The following PCDHGB3 variants were observed in gnomAD, a reference collection of about 807,000 sequenced individuals.
PCDHGB3 encodes the protein protocadherin gamma-B3.
A neutral mutation model predicts 59.2 loss-of-function variants in PCDHGB3; 40 were observed. The ratio of observed to expected loss-of-function variants is 0.68; its 90% CI spans 0.52 to 0.88. PCDHGB3 has a LOEUF of 0.88. Ranked by LOEUF, PCDHGB3 falls within the 40% of genes least tolerant of loss-of-function variation. PCDHGB3 has a pLI of 0.00. For synonymous variants in PCDHGB3, 581 were observed against 503.6 expected (o/e 1.15, Z -2.06); for missense variants, 1,309 against 1,187.9 (o/e 1.10, Z -1.50).
At chr5:141,450,460 TTATA>T (rs1234300844) in intron 1 of PCDHGB3, among the ~76,000 whole-genome samples, 1 of 152,104 alleles carries the variant, frequency 6.6e-6, no homozygotes, top group Non-Finnish European at 1.5e-5. Flanking sequence ...CCTCGTGATT[TTATA>T]TATAGAGTTT....
At chr5:141,389,525 CGT>C in intron 1 of PCDHGB3, 1 of 1,613,170 alleles carries the variant, frequency 6.2e-7, no homozygotes, top group Non-Finnish European at 8.5e-7. Context: ...TGAGCCTGCG[CGT>C]GTTAGTGGAC....
intron 1 of PCDHGB3, chr5:141,426,986 C>T (rs764345099): frequency 1.8e-5 from 8 of 456,618 alleles, no homozygotes; most frequent in South Asian, 7.7e-5. Flanking sequence ...CTGATGCCAA[C>T]GATAATGCCC....
At chr5:141,403,136 C>G in intron 1 of PCDHGB3, 1 of 1,614,006 alleles carries the variant, frequency 6.2e-7, no homozygotes. Flanking sequence ...GCTGGCGGAG[C>G]GCCGAGTCCG....
intron 1 of PCDHGB3, chr5:141,471,300 C>T (rs2099254628): frequency 6.6e-6 from 1 of 152,190 alleles, no homozygotes; most frequent in African/African-American, 2.4e-5. Context: ...ATCCACCCAA[C>T]TCGGCCTCCC....
intron 1 of PCDHGB3, chr5:141,419,592 T>C (rs1561782617): frequency 6.2e-7 from 1 of 1,611,670 alleles, no homozygotes. Context: ...TTCGACACAG[T>C]GCCGCGGGCC....
chr5:141,415,305 C>G (rs200439097), intron 1 of PCDHGB3: 1 of 1,614,234 alleles, frequency 6.2e-7, no homozygotes, highest in African/African-American at 1.3e-5. Context: ...TCTTCCTGGC[C>G]TTCGTCATCG....
rs760572189 is a variant in PCDHGB3 at position 141,477,159 on chromosome 5, A to G, written c.2416-17648A>G. ...GTGGAGGTTGTGGATGTGAATGACA[A>G]CGCCCCGGAGATCACAGTCACCTCC... is the stretch of plus-strand genomic sequence containing the variant. On this transcript the variant is annotated intron_variant, in intron 1 of 3. Transcript: ENST00000576222. The surrounding 1 kb of genome is among the most constrained non-coding windows in gnomAD (Gnocchi z 4.9). The G allele has an allele frequency of 1.7e-5, 28 of 1,613,854 alleles. No individual in the cohort carries two copies. In the South Asian group the frequency reaches 3.1e-4, roughly 18 times the overall value.
chr5:141,438,591 CATATATATATAT>C lies in PCDHGB3; in HGVS notation c.2416-56182_2416-56171del, dbSNP rs946798767. ...TCTGATATACATACATACATACATACATATATATATATATATATATATATATATATATATATA... is the reference window on the plus strand; with the variant it reads ...TCTGATATACATACATACATACATACATATATATATATATATATATATATA... On this transcript the variant is annotated intron_variant, in intron 1 of 3. Coordinates refer to ENST00000576222, the MANE Select transcript of PCDHGB3 (RefSeq NM_018924.5). Among the ~76,000 whole-genome samples the C allele has an allele frequency of 1.5e-4, 11 of 75,568 alleles. No homozygotes were observed. The East Asian group carries it at 2.8e-3, about 19-fold the overall frequency. The allele number at this position is 75,568 out of a possible 152,430, so 49.6% of individuals were successfully genotyped here.
In PCDHGB3 at chr5:141,372,495, G is replaced by A. The variant is rs770848334; in HGVS notation, c.2101G>A (p.Val701Met). Residue 701 changes from valine (V) to methionine (M), a missense_variant, in exon 1 of 4, where the codon GTG becomes ATG. Transcript: ENST00000576222. ...HLVVALALISVLFLLAVILAI... is the reference protein window; with the variant it reads ...HLVVALALISMLFLLAVILAI... The stretch of plus-strand genomic sequence containing the variant: ...AGTAGTGGCGTTGGCCTTGATCTCA[G>A]TGCTCTTCCTCCTCGCGGTGATTCT... 2.0e-5 allele frequency: 32 copies of A among 1,613,936 alleles called. No individual in the cohort carries two copies. Among genetic ancestry groups the A allele is most frequent in the Non-Finnish European group, 2.6e-5 (31 of 1,179,902 alleles).
intron 1 of PCDHGB3, chr5:141,375,266 G>C: frequency 6.2e-7 from 1 of 1,613,846 alleles, no homozygotes. Flanking sequence ...ATTTGAATTG[G>C]AAAAATCAGT....
At chr5:141,435,863 C>T (rs772361494) in intron 1 of PCDHGB3, among the ~76,000 whole-genome samples, 16 of 151,882 alleles carry the variant, frequency 1.1e-4, no homozygotes, top group Non-Finnish European at 2.2e-4. Context: ...TAGTTAAAAC[C>T]CAGAAAAGAG....
At chr5:141,376,226 A>G in intron 1 of PCDHGB3, 2 of 1,614,202 alleles carry the variant, frequency 1.2e-6, no homozygotes, top group Non-Finnish European at 1.7e-6. Flanking sequence ...GCTGGCGCTC[A>G]GACTGCAGCG....
chr5:141,394,115 T>A, intron 1 of PCDHGB3: 1 of 1,613,954 alleles, frequency 6.2e-7, no homozygotes, highest in Non-Finnish European at 8.5e-7. Context: ...CTCTGTCCAC[T>A]GAAACTCAAA....
In PCDHGB3 at chr5:141,490,052, A is replaced by G. The variant is rs774710472; in HGVS notation, c.2416-4755A>G. 11 of 1,614,098 alleles carry G rather than the reference A, an allele frequency of 6.8e-6. No homozygotes were observed. The highest frequency in any genetic ancestry group is 9.3e-6 in the Non-Finnish European group (11 of 1,180,014). On this transcript the variant is annotated intron_variant, in intron 1 of 3. Transcript: ENST00000576222. The surrounding 1 kb of genome is among the most constrained non-coding windows in gnomAD (Gnocchi z 5.4). ...CGCCTCAATGCCACTGATCCAGACG[A>G]GGGCACCAACGGCCAACTAGACTAT... is the stretch of plus-strand genomic sequence containing the variant.
In PCDHGB3 at chr5:141,371,514, C is replaced by A. The variant is rs781132718; in HGVS notation, c.1120C>A (p.Leu374Ile). The change falls in exon 1 of 4, where the codon CTA becomes ATA. Residue 374 changes from leucine to isoleucine, a missense_variant. Coordinates refer to ENST00000576222, the MANE Select transcript of PCDHGB3 (RefSeq NM_018924.5). ...TAVALIKTHD[L>I]DSGFNGEILC... ...CGTTGCCCTGATCAAAACACATGAT[C>A]TAGATTCTGGATTTAATGGAGAAAT... 1 of 1,613,792 alleles carries A rather than the reference C, an allele frequency of 6.2e-7. No individual in the cohort carries two copies. The highest frequency in any genetic ancestry group is 1.1e-5 in the South Asian group (1 of 91,056).
intron 1 of PCDHGB3, among the ~76,000 whole-genome samples, chr5:141,492,103 T>G (rs1458656062): frequency 6.6e-6 from 1 of 152,134 alleles, no homozygotes; most frequent in Non-Finnish European, 1.5e-5. Flanking sequence ...GTCTGTAGAT[T>G]TCCTCTTCGA....
intron 1 of PCDHGB3, chr5:141,398,512 C>G: frequency 1.3e-6 from 2 of 1,588,756 alleles, no homozygotes; most frequent in Non-Finnish European, 1.7e-6. Context: ...CATTAATGAC[C>G]ACACGCCAAA....
chr5:141,393,659 G>GA (rs1276688380), intron 1 of PCDHGB3: 7 of 1,613,880 alleles, frequency 4.3e-6, no homozygotes, highest in Middle Eastern at 1.6e-4. Context: ...ACAAATTCCG[G>GA]AAAATTAATG....
intron 1 of PCDHGB3, chr5:141,399,174 T>A: frequency 6.2e-7 from 1 of 1,613,818 alleles, no homozygotes; most frequent in Non-Finnish European, 8.5e-7. Flanking sequence ...ATTCTCTACT[T>A]GAAATGATTC....
Sources: gnomAD v4.1 joint callset for allele counts (sites outside exome capture counted in the v4.1 genomes callset) on GRCh38, gnomAD v4.1.1 for gene constraint, Gnocchi (gnomAD v3.1) non-coding constraint, MANE v1.5 for transcripts, NCBI Gene and HGNC (gene_info 2026-07-23, HGNC 2026-07-21) for gene names.